ADAMTSL1: variants seen among roughly 807,000 people sequenced by gnomAD.
ADAMTSL1 encodes ADAMTS like 1.
A neutral mutation model predicts 201.8 loss-of-function variants in ADAMTSL1; 126 were observed. The observed-to-expected ratio is 0.62, with a 90% CI of 0.54 to 0.72. ADAMTSL1 has a LOEUF of 0.72. Among genes scored for constraint, ADAMTSL1 ranks in the 30% least tolerant of loss-of-function variants. The probability of loss-of-function intolerance (pLI) is 0.00; values close to 1 mark genes in which losing one functional copy is unlikely to be tolerated. For missense variants in ADAMTSL1, 2,679 were observed against 2,277.8 expected, an observed-to-expected ratio of 1.18 and a Z score of -3.59; for synonymous variants, 1,121 against 903.4, an observed-to-expected ratio of 1.24 and a Z score of -4.32.
At chr9:17,945,984 G>T (rs1366774905) in intron 1 of ADAMTSL1, among the ~76,000 whole-genome samples, 4 of 151,340 alleles carry the variant, frequency 2.6e-5, no homozygotes, top group African/African-American at 9.7e-5. Flanking sequence ...ATAAAAAAAA[G>T]AAAATCTTCC....
chr9:18,623,912 G>A lies in ADAMTSL1; in HGVS notation c.601+1543G>A, dbSNP rs886194406. Among the ~76,000 whole-genome samples, 198 of 152,270 alleles carry A rather than the reference G, an allele frequency of 1.3e-3. 1 individual carries two copies. The highest frequency in any genetic ancestry group is 4.2e-3 in the African/African-American group (174 of 41,552). Reference sequence around the variant, plus strand: ...TATCTTTACTTGCTGACTAGCTGGAGGAAAACAATTGACATATGGAGAGTT... The same window carrying A: ...TATCTTTACTTGCTGACTAGCTGGAAGAAAACAATTGACATATGGAGAGTT... On this transcript the variant is annotated intron_variant, in intron 5 of 28. Transcript: ENST00000380548.
Position 18,396,948 on chromosome 9 carries a change from A to G in ADAMTSL1, c.208-107881A>G, listed in dbSNP as rs997607059. Among the ~76,000 whole-genome samples the G allele has an allele frequency of 3.9e-5, 6 of 152,182 alleles. No individual in the cohort carries two copies. In the East Asian group the frequency reaches 5.8e-4, roughly 15 times the overall value. ...CCTAAGAAATGTATGCCTTGGTTCT[A>G]TATGCACTATGCCTCTTTATATCGT... On this transcript the variant is annotated intron_variant, in intron 2 of 29. Coordinates refer to the ADAMTSL1 transcript ENST00000680146.
chr9:18,066,923 T>C (rs1822730386), intron 1 of ADAMTSL1, among the ~76,000 whole-genome samples: 1 of 151,812 alleles, frequency 6.6e-6, no homozygotes, highest in African/African-American at 2.4e-5. Flanking sequence ...CACTCATAGG[T>C]GGGAATTGAA....
intron 2 of ADAMTSL1, 27 bp from the exon 3 acceptor site, chr9:18,533,220 T>C: frequency 1.3e-6 from 2 of 1,593,364 alleles, no homozygotes; most frequent in Admixed American, 1.7e-5. Flanking sequence ...TAAGTAGTAA[T>C]ATTTCTTTTT....
intron 2 of ADAMTSL1, among the ~76,000 whole-genome samples, chr9:18,372,640 C>T (rs9406746): frequency 6.6e-6 from 1 of 151,850 alleles, no homozygotes; most frequent in Non-Finnish European, 1.5e-5. Flanking sequence ...GTGTGTTCAC[C>T]AACATTATAA....
intron 1 of ADAMTSL1, among the ~76,000 whole-genome samples, chr9:18,049,145 A>G (rs1821805262): frequency 6.6e-6 from 1 of 152,138 alleles, no homozygotes. Flanking sequence ...ATTCAGGATG[A>G]TCTCTCTTAA....
At chr9:18,225,831 A>G (rs533013555) in intron 2 of ADAMTSL1, among the ~76,000 whole-genome samples, 4 of 152,244 alleles carry the variant, frequency 2.6e-5, no homozygotes, top group South Asian at 2.1e-4. Context: ...AAATTCCTGC[A>G]TACTTATCTT....
intron 20 of ADAMTSL1, among the ~76,000 whole-genome samples, chr9:18,807,545 T>C (rs560834397): frequency 1.3e-5 from 2 of 150,014 alleles, no homozygotes; most frequent in Non-Finnish European, 1.5e-5. Flanking sequence ...GTCGGGAGCC[T>C]GAGGCGGGAG....
intron 20 of ADAMTSL1, 51 bp from the exon 21 acceptor site, chr9:18,817,058 A>G (rs1329433654): frequency 8.2e-6 from 13 of 1,594,498 alleles, no homozygotes; most frequent in Non-Finnish European, 1.0e-5. Flanking sequence ...GGAGTGCCCC[A>G]ATTTCCACAG....
In ADAMTSL1 at chr9:18,888,008, G is replaced by T; in HGVS notation, c.4427G>T (p.Gly1476Val). 5 of 1,613,742 alleles carry T rather than the reference G, an allele frequency of 3.1e-6. No individual in the cohort carries two copies. Among genetic ancestry groups the T allele is most frequent in the Non-Finnish European group, 4.2e-6 (5 of 1,179,852 alleles). The change falls in exon 24 of 29, where the codon GGG becomes GTG. Residue 1476 changes from glycine to valine, a missense_variant. By Grantham distance (109) the Gly-to-Val change is moderately radical (BLOSUM62 -3). Transcript: ENST00000380548. ...EFSCLAQNEA[G>V]VLMQKASLVI... ...AGCTGCCTTGCTCAGAATGAGGCAGGGGTGCTCATGCAGAAGGCATCTTTA... is the reference window on the plus strand; with the variant it reads ...AGCTGCCTTGCTCAGAATGAGGCAGTGGTGCTCATGCAGAAGGCATCTTTA...
intron 2 of ADAMTSL1, among the ~76,000 whole-genome samples, chr9:18,521,462 T>A (rs892349363): frequency 5.9e-5 from 9 of 151,600 alleles, no homozygotes; most frequent in Admixed American, 4.0e-4. Flanking sequence ...ATTAAAAATT[T>A]AAAAAAAGCA....
chr9:18,454,040 G>C (rs940347102), intron 2 of ADAMTSL1, among the ~76,000 whole-genome samples: 2 of 152,178 alleles, frequency 1.3e-5, no homozygotes, highest in Non-Finnish European at 2.9e-5. Flanking sequence ...CGGTATGCAA[G>C]AGGCATATTA....
At chr9:18,853,028 A>G (rs1002044755) in intron 23 of ADAMTSL1, among the ~76,000 whole-genome samples, 1 of 152,148 alleles carries the variant, frequency 6.6e-6, no homozygotes, top group African/African-American at 2.4e-5. Flanking sequence ...ACACTGAAAT[A>G]TAGATGGTAT....
chr9:18,730,653 C>T (rs1818161410), intron 15 of ADAMTSL1, among the ~76,000 whole-genome samples: 1 of 152,176 alleles, frequency 6.6e-6, no homozygotes, highest in African/African-American at 2.4e-5. Context: ...CACAAGGAAA[C>T]CTAAGGGAAG....
At chr9:18,381,556 G>C (rs928467727) in intron 2 of ADAMTSL1, among the ~76,000 whole-genome samples, 1 of 152,094 alleles carries the variant, frequency 6.6e-6, no homozygotes, top group African/African-American at 2.4e-5. Flanking sequence ...ATCCCACATT[G>C]CTGGTTGAGA....
At chr9:17,963,962 GATTT>G (rs1817865034) in intron 1 of ADAMTSL1, among the ~76,000 whole-genome samples, 1 of 152,080 alleles carries the variant, frequency 6.6e-6, no homozygotes, top group African/African-American at 2.4e-5. Context: ...CATGCTCATA[GATTT>G]ATGTCTCTCA....
chr9:18,586,567 A>G (rs1447147711), intron 4 of ADAMTSL1, among the ~76,000 whole-genome samples: 2 of 152,192 alleles, frequency 1.3e-5, no homozygotes, highest in Admixed American at 6.5e-5. Flanking sequence ...TACCAATGAC[A>G]TTCTTCACAG....
At chr9:18,508,604 C>A (rs1179195909) in intron 2 of ADAMTSL1, among the ~76,000 whole-genome samples, 2 of 152,120 alleles carry the variant, frequency 1.3e-5, no homozygotes, top group Non-Finnish European at 2.9e-5. Flanking sequence ...TGGGTTACAG[C>A]CTCATGTTTC....
chr9:18,555,961 G>A (rs560158596), intron 3 of ADAMTSL1, among the ~76,000 whole-genome samples: 14 of 151,866 alleles, frequency 9.2e-5, no homozygotes, highest in Admixed American at 7.9e-4. Context: ...TCCTATGAAC[G>A]TTGTGCACAT....
Sources: allele counts gnomAD v4.1 joint callset (sites outside exome capture counted in the v4.1 genomes callset), GRCh38; gene constraint gnomAD v4.1.1; transcripts MANE v1.5; gene names NCBI Gene and HGNC (gene_info 2026-07-23, HGNC 2026-07-21).